Variants in CSMD1 observed in about 807,000 individuals in gnomAD.
CSMD1 encodes CUB and sushi domain-containing protein 1.
In CSMD1, 213 loss-of-function variants were observed where a neutral mutation model predicts 417.5. The ratio of observed to expected loss-of-function variants is 0.51; its 90% confidence interval spans 0.46 to 0.57. The LOEUF is 0.57. CSMD1 is among the 20% of genes least tolerant of loss of function. The probability of loss-of-function intolerance (pLI) is 0.00; values close to 1 mark genes in which losing one functional copy is unlikely to be tolerated. For synonymous variants in CSMD1, 2,862 were observed against 1,736.8 expected (o/e 1.65, Z -16.11); for missense variants, 6,923 against 4,529.7 (o/e 1.53, Z -15.17).
At chr8:3,843,936 G>A (rs771327725) in intron 5 of CSMD1, among the ~76,000 whole-genome samples, 1 of 152,152 alleles carries the variant, frequency 6.6e-6, no homozygotes, top group Non-Finnish European at 1.5e-5. Flanking sequence ...TGCGCACAAG[G>A]TTATCTGAGA....
At chr8:3,902,180 G>A (rs566885275) in intron 5 of CSMD1, among the ~76,000 whole-genome samples, 1 of 152,198 alleles carries the variant, frequency 6.6e-6, no homozygotes, top group South Asian at 2.1e-4. Context: ...CTAATAAAAT[G>A]GAGAATCTCA....
intron 3 of CSMD1, among the ~76,000 whole-genome samples, chr8:4,381,496 T>C (rs1314821368): frequency 6.6e-6 from 1 of 152,118 alleles, no homozygotes; most frequent in African/African-American, 2.4e-5. Context: ...GGCAGGCCTA[T>C]AATTTGGACA....
In CSMD1 at chr8:4,119,147, C is replaced by T. The variant is rs1331040534; in HGVS notation, c.416-87048G>A. Among the ~76,000 whole-genome samples, 3 of 152,008 alleles carry T rather than the reference C, an allele frequency of 2.0e-5. No homozygotes were observed. The East Asian group carries it at 5.8e-4, about 29-fold the overall frequency. The stretch of plus-strand genomic sequence containing the variant: ...GGGAACGTACCTAATGCATGTCGGG[C>T]TTAAAACCTAGATGATGGTTTGATA... On this transcript the variant is annotated intron_variant, in intron 3 of 69. Coordinates refer to ENST00000635120, the MANE Select transcript of CSMD1 (RefSeq NM_033225.6).
intron 9 of CSMD1, among the ~76,000 whole-genome samples, chr8:3,577,727 T>C (rs1800211222): frequency 6.6e-6 from 1 of 152,220 alleles, no homozygotes; most frequent in African/African-American, 2.4e-5. Context: ...TGTGCTACTT[T>C]CTCAATGTTT....
intron 27 of CSMD1, among the ~76,000 whole-genome samples, chr8:3,224,364 G>T: frequency 6.6e-6 from 1 of 152,186 alleles, no homozygotes; most frequent in East Asian, 1.9e-4. Flanking sequence ...TCTAGCTCCT[G>T]TTCATTGTTT....
intron 3 of CSMD1, among the ~76,000 whole-genome samples, chr8:4,314,152 A>G (rs73191980): frequency 0.25 from 38,528 of 151,876 alleles, 5,411 homozygotes; most frequent in African/African-American, 0.38. Flanking sequence ...ACACATCCGA[A>G]GTCTAAAGGC....
rs143616452 is a variant in CSMD1 at position 3,258,992 on chromosome 8, A to C, written c.4153+25152T>G. Among the ~76,000 whole-genome samples the C allele has an allele frequency of 4.5e-3, 680 of 152,320 alleles. 6 individuals carry two copies. The highest frequency in any genetic ancestry group is 0.015 in the African/African-American group (643 of 41,574). On this transcript the variant is annotated intron_variant, in intron 26 of 69. Coordinates refer to ENST00000635120, the MANE Select transcript of CSMD1 (RefSeq NM_033225.6). ...GGATCAGGAAAAATAACTAATGGGT[A>C]CTAGGCTTAATAGCTGGGTGATGAA...
At chr8:4,823,988 A>C (rs904560846) in intron 1 of CSMD1, among the ~76,000 whole-genome samples, 1 of 151,930 alleles carries the variant, frequency 6.6e-6, no homozygotes, top group Non-Finnish European at 1.5e-5. Flanking sequence ...GCATGGACAC[A>C]CACATATACA....
At chr8:3,173,981 C>T (rs766108712) in intron 37 of CSMD1, among the ~76,000 whole-genome samples, 8 of 152,130 alleles carry the variant, frequency 5.3e-5, no homozygotes, top group Admixed American at 5.2e-4. Context: ...GAATTTTAAT[C>T]CTCATTTAGA....
chr8:4,464,575 C>T (rs944968055), intron 2 of CSMD1, among the ~76,000 whole-genome samples: 1 of 152,060 alleles, frequency 6.6e-6, no homozygotes, highest in African/African-American at 2.4e-5. Context: ...GGGTACTCAA[C>T]GGGTGGTTTC....
intron 2 of CSMD1, among the ~76,000 whole-genome samples, chr8:4,573,088 G>C (rs902995660): frequency 1.3e-5 from 2 of 152,118 alleles, no homozygotes; most frequent in African/African-American, 2.4e-5. Context: ...AGAGGAGTTT[G>C]TTATTACCCA....
At chr8:4,951,502 G>C (rs1183339016) in intron 1 of CSMD1, among the ~76,000 whole-genome samples, 1 of 149,594 alleles carries the variant, frequency 6.7e-6, no homozygotes, top group African/African-American at 2.5e-5. Flanking sequence ...CAGGGAAAGG[G>C]AAAGAGGAAG....
At chr8:3,600,607 A>T (rs1309349096) in intron 8 of CSMD1, among the ~76,000 whole-genome samples, 1 of 151,980 alleles carries the variant, frequency 6.6e-6, no homozygotes, top group Non-Finnish European at 1.5e-5. Flanking sequence ...GCAAGCAAGT[A>T]TTATTGCTGG....
chr8:3,489,523 G>C lies in CSMD1; in HGVS notation c.1448+4100C>G, dbSNP rs551122185. Among the ~76,000 whole-genome samples, 21 of 152,294 alleles carry C rather than the reference G, an allele frequency of 1.4e-4. No individual in the cohort carries two copies. In the South Asian group the frequency reaches 4.1e-3, roughly 30 times the overall value. Reference sequence around the variant, plus strand: ...CCTCCACAAATCAAATTCGAGAACAGTCTCAATAGATGTACTTGGAAAGAA... The same window carrying C: ...CCTCCACAAATCAAATTCGAGAACACTCTCAATAGATGTACTTGGAAAGAA... On this transcript the variant is annotated intron_variant, in intron 11 of 69. Transcript: ENST00000635120.
At chr8:3,132,271 C>T (rs1465418278) in intron 41 of CSMD1, among the ~76,000 whole-genome samples, 1 of 151,938 alleles carries the variant, frequency 6.6e-6, no homozygotes, top group East Asian at 1.9e-4. Flanking sequence ...TTTTACAAAA[C>T]ACCCATGTAT....
chr8:3,369,128 A>C lies in CSMD1; in HGVS notation c.2899+126T>G, dbSNP rs192173580. 85 of 552,118 alleles carry C rather than the reference A, an allele frequency of 1.5e-4. No individual in the cohort carries two copies. The African/African-American group carries it at 1.6e-3, about 10-fold the overall frequency. The allele number at this position is 552,118 out of a possible 1,614,324, so 34.2% of individuals were successfully genotyped here. A position where few individuals can be genotyped will look rare whatever the true frequency, so the allele number is the denominator to read the frequency against. On this transcript the variant is annotated intron_variant, in intron 19 of 69. Coordinates refer to ENST00000635120, the MANE Select transcript of CSMD1 (RefSeq NM_033225.6). The stretch of plus-strand genomic sequence containing the variant: ...AAATCTTATTAAATAATAAGTTAAA[A>C]TCTTGAACTATACATGAGAAAAGTA...
At chr8:3,178,633 G>A (rs1459877141) in intron 37 of CSMD1, among the ~76,000 whole-genome samples, 7 of 152,186 alleles carry the variant, frequency 4.6e-5, no homozygotes, top group Non-Finnish European at 1.0e-4. Context: ...TCAGTTGGAA[G>A]AAATGAGCAG....
chr8:4,947,401 T>C (rs1358008959), intron 1 of CSMD1, among the ~76,000 whole-genome samples: 1 of 144,706 alleles, frequency 6.9e-6, no homozygotes, highest in Admixed American at 6.9e-5. Context: ...TAATTAATTA[T>C]GTCTAAGAAT....
chr8:4,965,383 C>T (rs1462000344), intron 1 of CSMD1, among the ~76,000 whole-genome samples: 1 of 152,186 alleles, frequency 6.6e-6, no homozygotes, highest in Non-Finnish European at 1.5e-5. Context: ...GTCCCCCTAT[C>T]TGAATATTTT....
Sources: gnomAD v4.1 joint callset for allele counts (sites outside exome capture counted in the v4.1 genomes callset) on GRCh38, gnomAD v4.1.1 for gene constraint, MANE v1.5 for transcripts, NCBI Gene and HGNC (gene_info 2026-07-23, HGNC 2026-07-21) for gene names.